Variants in DACT2 observed in about 807,000 individuals in gnomAD.
DACT2 encodes dishevelled binding antagonist of beta catenin 2, also known as dapper homolog 2.
In DACT2, 20 loss-of-function variants were observed where a neutral mutation model predicts 22.2. The ratio of observed to expected loss-of-function variants is 0.90; its 90% confidence interval spans 0.63 to 1.31. DACT2 has a LOEUF of 1.31. DACT2 is among the 50% of genes most tolerant of loss of function. The probability of loss-of-function intolerance (pLI) is 0.00; values close to 1 mark genes in which losing one functional copy is unlikely to be tolerated. For synonymous variants in DACT2, 463 were observed against 479.8 expected (o/e 0.96, Z 0.46); for missense variants, 1,048 against 1,061.4 (o/e 0.99, Z 0.18).
chr6:168,306,182 G>A (rs117385596), downstream of DACT2, among the ~76,000 whole-genome samples: 198 of 152,236 alleles, frequency 1.3e-3, 4 homozygotes, highest in East Asian at 0.024. Flanking sequence ...TCCTCCCAAC[G>A]ATCTTGCCCC....
In DACT2 at chr6:168,319,411, G is replaced by T. The variant is rs1779590800; in HGVS notation, c.223C>A (p.Leu75Met). The part of the protein sequence containing the change: ...HGPEQQLEAA[L>M]AALQEQLSRL... ...ACCAGCTGCTCCTGCAGCGCGGCCA[G>T]CGCCGCCTCCAGCTGCTGCTCGGGG... Residue 75 changes from leucine (L) to methionine (M), a missense_variant, in exon 1 of 4, where the codon CTG becomes ATG. By Grantham distance (15) the Leu-to-Met change is conservative. Transcript: ENST00000366795. The T allele has an allele frequency of 2.5e-6, 3 of 1,203,332 alleles. No individual in the cohort carries two copies. The highest frequency in any genetic ancestry group is 1.0e-6 in the Non-Finnish European group (1 of 969,886). The allele number at this position is 1,203,332 out of a possible 1,614,324, so 74.5% of individuals were successfully genotyped here. A position where few individuals can be genotyped will look rare whatever the true frequency, so the allele number is the denominator to read the frequency against.
chr6:168,310,502 C>G, intron 2 of DACT2, 56 bp from the exon 3 acceptor site: 1 of 1,520,948 alleles, frequency 6.6e-7, no homozygotes, highest in East Asian at 2.5e-5. Flanking sequence ...GCCCAGGGCC[C>G]CCTCTCCTCC....
chr6:168,311,007 G>A, intron 2 of DACT2, 145 bp downstream of exon 2: 1 of 1,077,550 alleles, frequency 9.3e-7, no homozygotes, highest in Non-Finnish European at 1.2e-6. Context: ...TTTCAGATCA[G>A]CCTGACGAAG....
intron 3 of DACT2, among the ~76,000 whole-genome samples, chr6:168,300,952 C>G (rs751457108): frequency 2.6e-4 from 39 of 152,212 alleles, no homozygotes; most frequent in Non-Finnish European, 4.8e-4. Context: ...TGCCACTGCA[C>G]TCCAGCCTGG....
intron 1 of DACT2, 47 bp downstream of exon 1, chr6:168,319,341 G>A: frequency 8.4e-7 from 1 of 1,187,668 alleles, no homozygotes; most frequent in Non-Finnish European, 1.0e-6. Flanking sequence ...AGCAGCGCCT[G>A]TGGCCCGCAC....
At chr6:168,297,768 G>A (rs887687195) in intron 3 of DACT2, among the ~76,000 whole-genome samples, 5 of 152,238 alleles carry the variant, frequency 3.3e-5, no homozygotes, top group African/African-American at 1.2e-4. Context: ...TTGCTGCAGC[G>A]TTGCTTGAAA....
At chr6:168,297,074 T>C (rs1001213996) in intron 3 of DACT2, among the ~76,000 whole-genome samples, 13 of 152,220 alleles carry the variant, frequency 8.5e-5, no homozygotes, top group African/African-American at 2.9e-4. Flanking sequence ...ATGCACATAA[T>C]GAACCCTAAT....
intron 3 of DACT2, among the ~76,000 whole-genome samples, chr6:168,296,516 T>C (rs1405699051): frequency 1.4e-5 from 2 of 146,086 alleles, no homozygotes; most frequent in Non-Finnish European, 3.0e-5. Flanking sequence ...AGCAGATCCA[T>C]CCACAGTGGT....
chr6:168,300,856 G>T lies in DACT2; in HGVS notation c.659-6152C>A, dbSNP rs557466045. Among the ~76,000 whole-genome samples, 292 of 152,182 alleles carry T rather than the reference G, an allele frequency of 1.9e-3. 4 individuals are homozygous for T. The highest frequency in any genetic ancestry group is 6.7e-3 in the African/African-American group (277 of 41,514). On this transcript the variant is annotated intron_variant, in intron 3 of 5. Transcript: ENST00000366796. ...AAAAAATTAGCCAGGCGTGGTGGCA[G>T]GTGCCTGTAGTCCCAGCTACTTGGG...
At chr6:168,309,310 G>C (rs114319766) in intron 3 of DACT2, among the ~76,000 whole-genome samples, 21,391 of 151,856 alleles carry the variant, frequency 0.14, 1,565 homozygotes, top group African/African-American at 0.17. Context: ...TAAGACACTG[G>C]GCGCGGGGCA....
exon 6 of DACT2, chr6:168,293,781 G>A (rs879752376): frequency 7.9e-5 from 54 of 684,042 alleles, no homozygotes; most frequent in East Asian, 2.2e-4. Flanking sequence ...GTGACTTGGC[G>A]GGCAGAGGGG....
intron 1 of DACT2, among the ~76,000 whole-genome samples, chr6:168,318,741 G>C (rs998954085): frequency 1.3e-5 from 2 of 152,110 alleles, no homozygotes; most frequent in African/African-American, 4.8e-5. Flanking sequence ...AAGAGGGCCC[G>C]TGGCAGGGAA....
intron 3 of DACT2, among the ~76,000 whole-genome samples, chr6:168,296,207 G>C (rs10080797): frequency 6.8e-5 from 10 of 146,938 alleles, no homozygotes; most frequent in African/African-American, 2.2e-4. Context: ...TGAGGAGATG[G>C]TCATGGAGGA....
At position 168,308,783 on chromosome 6, in the gene DACT2, G is replaced by A. The variant is rs1305058389; in HGVS notation, c.974C>T (p.Ala325Val). The change falls in exon 4 of 4, where the codon GCT becomes GTT. Residue 325 changes from alanine to valine, a missense_variant. By Grantham distance (64) the Ala-to-Val change is moderately conservative (BLOSUM62 0). Transcript: ENST00000366795. ...ATAAGCTCTGGCCCTGGCCGGGCCA[G>A]CCTCGAGGACCGGCCCAGTCTGGAT... ...NTIQTGPVLEAGPARARAYID... is the reference protein window; with the variant it reads ...NTIQTGPVLEVGPARARAYID... 3 of 1,551,450 alleles carry A rather than the reference G, an allele frequency of 1.9e-6. No homozygotes were observed. Among genetic ancestry groups the A allele is most frequent in the Non-Finnish European group, 1.7e-6 (2 of 1,147,020 alleles).
intron 4 of DACT2, chr6:168,294,508 C>A: frequency 1.5e-6 from 1 of 659,280 alleles, no homozygotes; most frequent in South Asian, 2.1e-5. Flanking sequence ...TGTGATGTTC[C>A]CCTTTCTGTG....
chr6:168,294,359 T>C (rs1778962732), intron 4 of DACT2, among the ~76,000 whole-genome samples: 1 of 151,990 alleles, frequency 6.6e-6, no homozygotes, highest in Admixed American at 6.5e-5. Flanking sequence ...CTTCCCTACC[T>C]GTCAGCGAGC....
downstream of DACT2, among the ~76,000 whole-genome samples, chr6:168,305,605 C>A (rs116156347): frequency 0.047 from 6,407 of 135,790 alleles, 426 homozygotes; most frequent in African/African-American, 0.17. Context: ...CGTCTTCAGC[C>A]CGGTAGCTAC....
rs1488947567 is a variant in DACT2 at position 168,319,446 on chromosome 6, C to T, written c.188G>A (p.Gly63Asp). The T allele has an allele frequency of 8.3e-7, 1 of 1,205,808 alleles. No individual in the cohort carries two copies. Among genetic ancestry groups the T allele is most frequent in the Non-Finnish European group, 1.0e-6 (1 of 972,102 alleles). The allele number at this position is 1,205,808 out of a possible 1,614,324, so 74.7% of individuals were successfully genotyped here. A position where few individuals can be genotyped will look rare whatever the true frequency, so the allele number is the denominator to read the frequency against. The change falls in exon 1 of 4, where the codon GGC becomes GAC. Residue 63 changes from glycine (G) to aspartate (D), a missense_variant. Physicochemically the swap from Gly to Asp is moderately conservative, Grantham distance 94. Coordinates refer to ENST00000366795, the MANE Select transcript of DACT2 (RefSeq NM_214462.5). ...PAPAAPCGPHGLHGPEQQLEA... is the reference protein window; with the variant it reads ...PAPAAPCGPHDLHGPEQQLEA... ...CAGCTGCTGCTCGGGGCCGTGGAGG[C>T]CGTGGGGGCCGCAGGGCGCGGCGGG... is the stretch of plus-strand genomic sequence containing the variant.
chr6:168,296,611 C>T (rs1531607), intron 3 of DACT2, among the ~76,000 whole-genome samples: 28,710 of 152,074 alleles, frequency 0.19, 3,680 homozygotes, highest in East Asian at 0.66. Flanking sequence ...TCATGGAGGA[C>T]AAGCACCCGG....
Sources: gnomAD v4.1 joint callset for allele counts (sites outside exome capture counted in the v4.1 genomes callset) on GRCh38, gnomAD v4.1.1 for gene constraint, MANE v1.5 for transcripts, NCBI Gene and HGNC (gene_info 2026-07-23, HGNC 2026-07-21) for gene names.